Variants in CSMD1 observed in about 807,000 individuals in gnomAD.
CSMD1 encodes CUB and Sushi multiple domains 1.
Under a neutral mutation model 417.5 loss-of-function variants are expected in CSMD1, and 213 were observed. The observed-to-expected ratio is 0.51, with a 90% CI of 0.46 to 0.57. The LOEUF (loss-of-function observed/expected upper bound fraction) is 0.57, where lower values mean the gene tolerates loss of function less well. Among genes scored for constraint, CSMD1 ranks in the 20% least tolerant of loss-of-function variants. The pLI is 0.00. For missense variants in CSMD1, 6,923 were observed against 4,529.7 expected, an observed-to-expected ratio of 1.53 and a Z score of -15.17; for synonymous variants, 2,862 against 1,736.8, an observed-to-expected ratio of 1.65 and a Z score of -16.11.
chr8:3,532,424 G>A (rs1158560684), intron 10 of CSMD1, among the ~76,000 whole-genome samples: 1 of 152,068 alleles, frequency 6.6e-6, no homozygotes, highest in Non-Finnish European at 1.5e-5. Context: ...ATGGACTTGT[G>A]GCAACTCTCC....
At chr8:4,319,921 GA>G (rs1454682195) in intron 3 of CSMD1, among the ~76,000 whole-genome samples, 2 of 152,100 alleles carry the variant, frequency 1.3e-5, no homozygotes, top group African/African-American at 4.8e-5. Context: ...AAGCAGTAGG[GA>G]GTCATCTTCA....
chr8:4,275,745 C>G (rs1027295240), intron 3 of CSMD1, among the ~76,000 whole-genome samples: 1 of 152,140 alleles, frequency 6.6e-6, no homozygotes, highest in African/African-American at 2.4e-5. Flanking sequence ...TTACACACAC[C>G]TGTGCAAAAC....
Position 4,281,769 on chromosome 8 carries a change from G to C in CSMD1, c.415+138184C>G, listed in dbSNP as rs79864220. 1.0e-3 allele frequency among the ~76,000 whole-genome samples: 158 copies of C among 152,192 alleles called. 1 individual carries two copies. The highest frequency in any genetic ancestry group is 3.4e-3 in the Middle Eastern group (1 of 292). On this transcript the variant is annotated intron_variant, in intron 3 of 69. Transcript: ENST00000635120. ...CTACTTGTTTTCAAAATACATAAAG[G>C]AATAAAGTGATAACTGTATTAAAAC... is the stretch of plus-strand genomic sequence containing the variant.
At chr8:4,114,335 CA>C (rs1238079094) in intron 3 of CSMD1, among the ~76,000 whole-genome samples, 1 of 152,186 alleles carries the variant, frequency 6.6e-6, no homozygotes, top group African/African-American at 2.4e-5. Flanking sequence ...CATCTGTTTA[CA>C]GCACGGTTAA....
intron 40 of CSMD1, among the ~76,000 whole-genome samples, chr8:3,149,600 C>A (rs1478085771): frequency 6.6e-6 from 1 of 152,204 alleles, no homozygotes; most frequent in African/African-American, 2.4e-5. Context: ...GCCTCAGCCT[C>A]CCAAGTAGTT....
intron 2 of CSMD1, among the ~76,000 whole-genome samples, chr8:4,443,240 A>T (rs149183687): frequency 1.3e-4 from 20 of 152,304 alleles, no homozygotes; most frequent in Non-Finnish European, 2.1e-4. Flanking sequence ...GTGTTTTAAG[A>T]TGGATAATGT....
At chr8:3,630,707 G>C (rs1050753615) in intron 7 of CSMD1, among the ~76,000 whole-genome samples, 1 of 144,398 alleles carries the variant, frequency 6.9e-6, no homozygotes, top group African/African-American at 2.6e-5. Context: ...TTGCTTCCAA[G>C]AATTGAGGGA....
chr8:3,843,427 G>A (rs570162082), intron 5 of CSMD1, among the ~76,000 whole-genome samples: 91 of 152,182 alleles, frequency 6.0e-4, no homozygotes, highest in African/African-American at 2.1e-3. Context: ...GTTGGTTTCA[G>A]AGTAATTAAG....
intron 5 of CSMD1, among the ~76,000 whole-genome samples, chr8:3,950,224 T>A (rs1811513823): frequency 1.3e-5 from 2 of 152,204 alleles, no homozygotes. Flanking sequence ...TTTCTCATCA[T>A]GCAGTGGAAG....
intron 2 of CSMD1, among the ~76,000 whole-genome samples, chr8:4,513,310 C>T (rs1425594142): frequency 6.6e-6 from 1 of 152,102 alleles, no homozygotes; most frequent in Non-Finnish European, 1.5e-5. Flanking sequence ...CCTAAAACTA[C>T]TCTACAAAAC....
At chr8:3,589,125 T>C (rs1241428659) in intron 8 of CSMD1, among the ~76,000 whole-genome samples, 3 of 152,102 alleles carry the variant, frequency 2.0e-5, no homozygotes, top group Non-Finnish European at 2.9e-5. Flanking sequence ...TTGTACATTG[T>C]TGTTAGAAAT....
chr8:4,247,927 A>T (rs1361988078), intron 3 of CSMD1, among the ~76,000 whole-genome samples: 1 of 152,190 alleles, frequency 6.6e-6, no homozygotes, highest in Non-Finnish European at 1.5e-5. Flanking sequence ...TGATGTAGGT[A>T]CATTAATCAA....
chr8:3,288,710 A>C (rs1378346701), intron 25 of CSMD1, among the ~76,000 whole-genome samples: 12 of 145,474 alleles, frequency 8.2e-5, no homozygotes, highest in Non-Finnish European at 1.2e-4. Flanking sequence ...ATTTTTCTTG[A>C]TAGCAGTTTA....
At chr8:4,898,524 C>G (rs984114458) in intron 1 of CSMD1, among the ~76,000 whole-genome samples, 1 of 152,188 alleles carries the variant, frequency 6.6e-6, no homozygotes, top group Non-Finnish European at 1.5e-5. Context: ...GACAATAAAA[C>G]AGGTCTTTAT....
chr8:4,977,663 C>T (rs146740154), intron 1 of CSMD1, among the ~76,000 whole-genome samples: 27 of 152,326 alleles, frequency 1.8e-4, no homozygotes, highest in South Asian at 6.2e-4. Flanking sequence ...AGATGCCTCA[C>T]TAGTTGACAT....
intron 1 of CSMD1, among the ~76,000 whole-genome samples, chr8:4,896,044 T>C (rs531950189): frequency 1.1e-4 from 16 of 152,174 alleles, no homozygotes; most frequent in Non-Finnish European, 2.1e-4. Flanking sequence ...CAATTCTTTG[T>C]AGTTCAATGT....
intron 3 of CSMD1, among the ~76,000 whole-genome samples, chr8:4,122,235 G>A (rs371446754): frequency 6.6e-5 from 10 of 152,274 alleles, no homozygotes; most frequent in African/African-American, 1.9e-4. Flanking sequence ...TGTGAGGGAA[G>A]TGCAGTTGGT....
chr8:3,355,047 G>A (rs115658165), intron 21 of CSMD1, among the ~76,000 whole-genome samples: 3,382 of 150,382 alleles, frequency 0.022, 122 homozygotes, highest in African/African-American at 0.08. Context: ...TATGCTGTCG[G>A]AAATAACTTG....
intron 7 of CSMD1, among the ~76,000 whole-genome samples, chr8:3,636,437 C>G (rs1797051947): frequency 6.6e-6 from 1 of 152,160 alleles, no homozygotes; most frequent in Non-Finnish European, 1.5e-5. Context: ...CTCAGCCTCC[C>G]ACAGTGGTAG....
Sources: gnomAD v4.1 joint callset for allele counts (sites outside exome capture counted in the v4.1 genomes callset) on GRCh38, gnomAD v4.1.1 for gene constraint, MANE v1.5 for transcripts, NCBI Gene and HGNC (gene_info 2026-07-23, HGNC 2026-07-21) for gene names.